Variants in PCDHGA3 observed in about 807,000 individuals in gnomAD.
The protein encoded by PCDHGA3 is protocadherin gamma subfamily A, 3.
In PCDHGA3, 40 loss-of-function variants were observed where a neutral mutation model predicts 58.5. The observed-to-expected ratio is 0.68, with a 90% CI of 0.53 to 0.89. The LOEUF (loss-of-function observed/expected upper bound fraction) is 0.89. PCDHGA3 is among the 40% of genes least tolerant of loss of function. The pLI, the probability that PCDHGA3 is intolerant of heterozygous loss-of-function variation, is 0.00. For missense variants in PCDHGA3, 1,223 were observed against 1,195.9 expected (o/e 1.02, Z -0.33); for synonymous variants, 530 against 525.7 (o/e 1.01, Z -0.11).
chr5:141,418,948 A>G (rs767664022), intron 1 of PCDHGA3: 1 of 1,614,042 alleles, frequency 6.2e-7, no homozygotes, highest in Non-Finnish European at 8.5e-7. Context: ...CCCCTCCAGG[A>G]GTGGTTGTTG....
chr5:141,479,752 T>C (rs770200359), intron 1 of PCDHGA3: 4 of 152,236 alleles, frequency 2.6e-5, no homozygotes, highest in Non-Finnish European at 4.4e-5. Context: ...ATGTGAAAGG[T>C]AGATAAATTC....
chr5:141,427,287 A>G (rs1030754713), intron 1 of PCDHGA3: 2 of 456,716 alleles, frequency 4.4e-6, no homozygotes, highest in African/African-American at 4.0e-5. Flanking sequence ...TATACTAGAA[A>G]TCCTAGATGA....
At chr5:141,371,843 TA>T in intron 1 of PCDHGA3, 1 of 1,613,690 alleles carries the variant, frequency 6.2e-7, no homozygotes, top group Non-Finnish European at 8.5e-7. Flanking sequence ...ACTTGGGACC[TA>T]ATGGCCTTGT....
At position 141,432,957 on chromosome 5, in the gene PCDHGA3, C is replaced by T. The variant is rs2097553676; in HGVS notation, c.2425-61850C>T. 1 of 1,614,190 alleles carries T rather than the reference C, an allele frequency of 6.2e-7. No individual in the cohort carries two copies. The highest frequency in any genetic ancestry group is 8.5e-7 in the Non-Finnish European group (1 of 1,180,030). ...CTGCAGGCTTCAGGAGGCGGCTTGA[C>T]AGGAGCGCCGGCGTCGCACTTTGTG... On this transcript the variant is annotated intron_variant, in intron 1 of 3. Coordinates refer to ENST00000253812, the MANE Select transcript of PCDHGA3 (RefSeq NM_018916.4). This position sits in a 1 kb window ranked among gnomAD's most constrained non-coding sequence, Gnocchi z 6.0.
At chr5:141,395,374 T>A in intron 1 of PCDHGA3, 1 of 1,187,898 alleles carries the variant, frequency 8.4e-7, no homozygotes. Context: ...ATTTTGGTGG[T>A]GTTACTATAA....
intron 1 of PCDHGA3, among the ~76,000 whole-genome samples, chr5:141,461,711 C>A (rs897443905): frequency 1.3e-5 from 2 of 152,112 alleles, no homozygotes; most frequent in African/African-American, 2.4e-5. Flanking sequence ...ACTTTTTTTG[C>A]CCAGGCTGGA....
At chr5:141,409,441 G>C (rs1432743588) in intron 1 of PCDHGA3, 1 of 1,613,884 alleles carries the variant, frequency 6.2e-7, no homozygotes, top group East Asian at 2.2e-5. Context: ...TGGACCGAGA[G>C]CAGACACCAG....
At chr5:141,434,392 CA>C (rs1377925864) in intron 1 of PCDHGA3, among the ~76,000 whole-genome samples, 2 of 152,210 alleles carry the variant, frequency 1.3e-5, no homozygotes, top group Non-Finnish European at 2.9e-5. Context: ...TGGCCATAAA[CA>C]AAATCTCTGC....
At chr5:141,360,260 C>T (rs535439542) in intron 1 of PCDHGA3, 1 of 1,613,962 alleles carries the variant, frequency 6.2e-7, no homozygotes, top group East Asian at 2.2e-5. Flanking sequence ...GAGGAGCTGG[C>T]CAAAAACTCG....
Position 141,365,210 on chromosome 5 carries a change from C to T in PCDHGA3, c.2424+18753C>T, listed in dbSNP as rs376872993. 14 of 1,613,810 alleles carry T rather than the reference C, an allele frequency of 8.7e-6. No homozygotes were observed. The African/African-American group carries it at 1.3e-4, about 15-fold the overall frequency. On this transcript the variant is annotated intron_variant, in intron 1 of 3. Coordinates refer to ENST00000253812, the MANE Select transcript of PCDHGA3 (RefSeq NM_018916.4). ...AGAAAAAATTTCGGAGACTTTCCAA[C>T]TTGATTCCAACCTGGGGGAAATCTC...
chr5:141,420,933 T>C (rs1227912236), intron 1 of PCDHGA3: 1 of 375,320 alleles, frequency 2.7e-6, no homozygotes, highest in African/African-American at 2.1e-5. Context: ...GTGAGCGTAA[T>C]CATTTCTTCT....
intron 1 of PCDHGA3, chr5:141,383,459 A>G: frequency 6.2e-7 from 1 of 1,613,900 alleles, no homozygotes; most frequent in Non-Finnish European, 8.5e-7. Context: ...AGTGGAGACG[A>G]TGAAACTAAG....
In PCDHGA3 at chr5:141,345,905, C is replaced by A. The variant is rs552587482; in HGVS notation, c.1872C>A (p.Gly624=). 2.5e-6 allele frequency: 4 copies of A among 1,612,540 alleles called. No homozygotes were observed. The highest frequency in any genetic ancestry group is 2.2e-5 in the East Asian group (1 of 44,774). The change falls in exon 1 of 4, where the codon GGC becomes GGA. Residue 624 remains glycine (G), a synonymous_variant. Coordinates refer to ENST00000253812, the MANE Select transcript of PCDHGA3 (RefSeq NM_018916.4). ...TCTTCTCGGTGGGTCTGCACACGGG[C>A]GAGGTGCGCACGGCGCGAGCCCTGC... ...PGLFSVGLHT[G]EVRTARALLD...
chr5:141,500,186 T>A (rs1008615587), intron 2 of PCDHGA3, among the ~76,000 whole-genome samples: 7 of 99,362 alleles, frequency 7.0e-5, no homozygotes, highest in African/African-American at 3.5e-4. Flanking sequence ...ATTTTTATTT[T>A]TATTTATTTA....
At chr5:141,454,203 T>C (rs981646952) in intron 1 of PCDHGA3, among the ~76,000 whole-genome samples, 2 of 152,148 alleles carry the variant, frequency 1.3e-5, no homozygotes, top group African/African-American at 4.8e-5. Flanking sequence ...GGTGAATTTA[T>C]TGACATGAAT....
At chr5:141,480,514 C>A (rs1015316945) in intron 1 of PCDHGA3, among the ~76,000 whole-genome samples, 2 of 127,196 alleles carry the variant, frequency 1.6e-5, no homozygotes, top group African/African-American at 7.3e-5. Flanking sequence ...TGAGAACAAC[C>A]AAAAATGACA....
intron 2 of PCDHGA3, among the ~76,000 whole-genome samples, chr5:141,499,670 C>T (rs1477227784): frequency 6.6e-6 from 1 of 151,412 alleles, no homozygotes; most frequent in African/African-American, 2.4e-5. Flanking sequence ...TCTTGGTCTC[C>T]ACCATCTTTA....
At chr5:141,375,812 C>T (rs1162133634) in intron 1 of PCDHGA3, 1 of 1,614,208 alleles carries the variant, frequency 6.2e-7, no homozygotes, top group Non-Finnish European at 8.5e-7. Context: ...TGGCGTGGAG[C>T]TGGCGCCCCG....
chr5:141,465,142 T>TCCCTAA (rs2099097979), intron 1 of PCDHGA3, among the ~76,000 whole-genome samples: 3 of 151,990 alleles, frequency 2.0e-5, no homozygotes, highest in Non-Finnish European at 4.4e-5. Flanking sequence ...GTTTAGGGGA[T>TCCCTAA]ATATGAAGGG....
Sources: gnomAD v4.1 joint callset for allele counts (sites outside exome capture counted in the v4.1 genomes callset) on GRCh38, gnomAD v4.1.1 for gene constraint, Gnocchi (gnomAD v3.1) non-coding constraint, MANE v1.5 for transcripts, NCBI Gene and HGNC (gene_info 2026-07-23, HGNC 2026-07-21) for gene names.